TBC1D5: variants seen among roughly 807,000 people sequenced by gnomAD.
TBC1D5 encodes TBC1 domain family member 5.
TBC1D5 carries 75 observed loss-of-function variants against 100.3 expected under a neutral mutation model. The observed-to-expected ratio is 0.75, with a 90% CI of 0.62 to 0.91. TBC1D5 has a LOEUF of 0.91. TBC1D5 is among the 40% of genes least tolerant of loss of function. The probability of loss-of-function intolerance (pLI) is 0.00; values close to 1 mark genes in which losing one functional copy is unlikely to be tolerated. For missense variants in TBC1D5, 910 were observed against 942.4 expected, an observed-to-expected ratio of 0.97 and a Z score of 0.45; for synonymous variants, 323 against 325.6, an observed-to-expected ratio of 0.99 and a Z score of 0.09.
At chr3:17,214,926 G>C (rs1374951161) in intron 17 of TBC1D5, among the ~76,000 whole-genome samples, 1 of 152,104 alleles carries the variant, frequency 6.6e-6, no homozygotes, top group Non-Finnish European at 1.5e-5. Flanking sequence ...AGAACAGCAA[G>C]TGCTAAGGCC....
intron 4 of TBC1D5, among the ~76,000 whole-genome samples, chr3:17,420,698 A>G (rs2094187736): frequency 6.6e-6 from 1 of 152,174 alleles, no homozygotes. Context: ...TCACCACTAT[A>G]TCCTAACTAT....
chr3:17,625,834 C>T lies in TBC1D5; in HGVS notation c.-100-1921G>A, dbSNP rs560878525. ...CTTTCAATCTAATCTTATTCTCCTA[C>T]AGAAGATAGCTTTAGTATATTAACT... On this transcript the variant is annotated intron_variant, in intron 1 of 21. Transcript: ENST00000253692. Among the ~76,000 whole-genome samples the T allele has an allele frequency of 2.6e-5, 4 of 152,118 alleles. No individual in the cohort carries two copies. The East Asian group carries it at 7.7e-4, about 29-fold the overall frequency.
chr3:17,314,163 C>T lies in TBC1D5; in HGVS notation c.996-6029G>A, dbSNP rs554178351. 5.3e-5 allele frequency among the ~76,000 whole-genome samples: 8 copies of T among 152,232 alleles called. No homozygotes were observed. The South Asian group carries it at 8.3e-4, about 16-fold the overall frequency. ...AAATCTCAGCTAAATAGTTAAGTTA[C>T]GGATGTTGTTTTGGTTTCTCTCTCT... On this transcript the variant is annotated intron_variant, in intron 13 of 21. Coordinates refer to ENST00000253692, the Ensembl canonical transcript of TBC1D5.
chr3:17,180,916 C>CAAAAAAAAAAAA (rs76797012), intron 19 of TBC1D5, among the ~76,000 whole-genome samples: 1 of 96,182 alleles, frequency 1.0e-5, no homozygotes. Flanking sequence ...ACATTTACAC[C>CAAAAAAAAAAAA]AAAAAAAAAA....
At chr3:17,588,083 G>C (rs374656429) in intron 2 of TBC1D5, among the ~76,000 whole-genome samples, 42 of 152,168 alleles carry the variant, frequency 2.8e-4, no homozygotes, top group African/African-American at 9.1e-4. Flanking sequence ...TCAGTGTACT[G>C]AGTAGTTGTA....
intron 19 of TBC1D5, among the ~76,000 whole-genome samples, chr3:17,171,647 A>G (rs899411241): frequency 2.6e-5 from 4 of 151,980 alleles, no homozygotes; most frequent in Non-Finnish European, 4.4e-5. Flanking sequence ...TTATAAGGAC[A>G]CCAGCCACTA....
At chr3:17,363,529 C>T (rs1362660345) in intron 13 of TBC1D5, among the ~76,000 whole-genome samples, 2 of 151,566 alleles carry the variant, frequency 1.3e-5, no homozygotes, top group Non-Finnish European at 2.9e-5. Context: ...CACCACCATA[C>T]CTGGCTAATT....
At chr3:17,634,967 G>T (rs1029608106) in intron 1 of TBC1D5, among the ~76,000 whole-genome samples, 2 of 151,782 alleles carry the variant, frequency 1.3e-5, no homozygotes, top group African/African-American at 4.8e-5. Context: ...AATGATACTT[G>T]TAGATTATAT....
At chr3:17,621,082 G>C (rs145579951) in intron 2 of TBC1D5, among the ~76,000 whole-genome samples, 1 of 152,236 alleles carries the variant, frequency 6.6e-6, no homozygotes, top group East Asian at 1.9e-4. Flanking sequence ...TGGAAGCCAA[G>C]GTTCTCACTG....
chr3:17,252,632 C>T (rs562222819), intron 16 of TBC1D5, among the ~76,000 whole-genome samples: 8 of 152,294 alleles, frequency 5.3e-5, no homozygotes, highest in East Asian at 3.9e-4. Flanking sequence ...GAAAGCCTAG[C>T]GGCCAATAAT....
intron 13 of TBC1D5, among the ~76,000 whole-genome samples, chr3:17,354,047 T>A (rs2090939330): frequency 6.6e-6 from 1 of 151,936 alleles, no homozygotes; most frequent in South Asian, 2.1e-4. Context: ...AATATGTACA[T>A]AAAAAAAGAC....
At chr3:17,692,872 G>C (rs552577364) in intron 1 of TBC1D5, among the ~76,000 whole-genome samples, 1 of 152,358 alleles carries the variant, frequency 6.6e-6, no homozygotes, top group South Asian at 2.1e-4. Flanking sequence ...GTTCACACTT[G>C]TAATCCCAGC....
chr3:17,703,670 T>C (rs1488592036), intron 1 of TBC1D5, among the ~76,000 whole-genome samples: 2 of 152,066 alleles, frequency 1.3e-5, no homozygotes, highest in African/African-American at 4.8e-5. Flanking sequence ...AAGATTAAGA[T>C]CATAGAACAG....
Position 17,521,643 on chromosome 3 carries a change from G to A in TBC1D5, c.-35-13038C>T, listed in dbSNP as rs549335469. On this transcript the variant is annotated intron_variant, in intron 2 of 21. Coordinates refer to ENST00000253692, the Ensembl canonical transcript of TBC1D5. ...TGTATTATCTTTACCAGTGAAGAAC[G>A]TAAGTGCATAATTTGGGGGGGGAAA... is the stretch of plus-strand genomic sequence containing the variant. 1.5e-4 allele frequency among the ~76,000 whole-genome samples: 23 copies of A among 152,166 alleles called. No individual in the cohort carries two copies. The South Asian group carries it at 3.5e-3, about 23-fold the overall frequency.
chr3:17,652,947 T>C (rs1289299355), intron 1 of TBC1D5, among the ~76,000 whole-genome samples: 3 of 152,174 alleles, frequency 2.0e-5, no homozygotes, highest in African/African-American at 7.2e-5. Flanking sequence ...CTGTGATATA[T>C]ACAACGACAT....
At chr3:17,699,553 T>TAAATAAAA (rs200900101) in intron 1 of TBC1D5, among the ~76,000 whole-genome samples, 1 of 141,454 alleles carries the variant, frequency 7.1e-6, no homozygotes, top group African/African-American at 2.6e-5. Context: ...TAATAATAAA[T>TAAATAAAA]AGATTTTTAA....
chr3:17,514,780 G>A (rs1297429645), intron 2 of TBC1D5, among the ~76,000 whole-genome samples: 1 of 152,126 alleles, frequency 6.6e-6, no homozygotes, highest in Admixed American at 6.5e-5. Context: ...CAAACAGAAA[G>A]CTCTCCACAG....
At chr3:17,370,364 G>A (rs2092390418) in intron 13 of TBC1D5, among the ~76,000 whole-genome samples, 1 of 152,086 alleles carries the variant, frequency 6.6e-6, no homozygotes, top group Non-Finnish European at 1.5e-5. Flanking sequence ...TTTGTATTTG[G>A]ATATACCAAT....
At chr3:17,380,039 CTGTGTATGTG>C (rs1405138683) in intron 9 of TBC1D5, among the ~76,000 whole-genome samples, 1,994 of 100,096 alleles carry the variant, frequency 0.02, 22 homozygotes, top group African/African-American at 0.049. Context: ...ACAGCTGTGA[CTGTGTATGTG>C]TGTGTGTGTG....
Sources: allele counts gnomAD v4.1 joint callset (sites outside exome capture counted in the v4.1 genomes callset), GRCh38; gene constraint gnomAD v4.1.1; transcripts MANE v1.5; gene names NCBI Gene and HGNC (gene_info 2026-07-23, HGNC 2026-07-21).